The following NTN1 variants were observed in gnomAD, a reference collection of about 807,000 sequenced individuals.
The protein encoded by NTN1 is netrin 1.
A neutral mutation model predicts 54.2 loss-of-function variants in NTN1; 11 were observed. The observed-to-expected ratio is 0.20, with a 90% CI of 0.13 to 0.34. NTN1 has a LOEUF of 0.34. NTN1 is among the 10% of genes least tolerant of loss of function. The pLI, the probability that NTN1 is intolerant of heterozygous loss-of-function variation, is 1.00. For missense variants in NTN1, 740 were observed against 893.1 expected, an observed-to-expected ratio of 0.83 and a Z score of 2.18; for synonymous variants, 371 against 382.0, an observed-to-expected ratio of 0.97 and a Z score of 0.33.
the NTN1 span, among the ~76,000 whole-genome samples, chr17:9,012,898 T>C: frequency 5.3e-5 from 8 of 152,242 alleles, no homozygotes. Context: ...GAATGTAGTT[T>C]GCTTTTTATT....
intron 2 of NTN1, among the ~76,000 whole-genome samples, chr17:9,108,249 C>G (rs2092174826): frequency 6.6e-6 from 1 of 152,160 alleles, no homozygotes; most frequent in Admixed American, 6.5e-5. Context: ...GACAGATCAC[C>G]AAGGCTGCTA....
chr17:9,013,928 T>C, the NTN1 span, among the ~76,000 whole-genome samples: 1 of 152,250 alleles, frequency 6.6e-6, no homozygotes, highest in Non-Finnish European at 1.5e-5. Flanking sequence ...CAAAAGCTTT[T>C]TGCAAATGAA....
intron 5 of NTN1, among the ~76,000 whole-genome samples, chr17:9,193,940 A>AAAAACAG (rs1310191883): frequency 7.0e-6 from 1 of 141,852 alleles, no homozygotes; most frequent in Non-Finnish European, 1.5e-5. Context: ...AAAAAAAAAA[A>AAAAACAG]AAAACATTAT....
chr17:9,238,004 C>T (rs1230945800), intron 6 of NTN1, among the ~76,000 whole-genome samples: 1 of 152,188 alleles, frequency 6.6e-6, no homozygotes, highest in African/African-American at 2.4e-5. Flanking sequence ...AATCCGCTTC[C>T]CTCACCCTGG....
chr17:9,231,293 C>T (rs1450240630), intron 6 of NTN1, among the ~76,000 whole-genome samples: 1 of 106,246 alleles, frequency 9.4e-6, no homozygotes, highest in East Asian at 2.2e-4. Flanking sequence ...CCATGGGGTA[C>T]CCGGGGGGGG....
intron 2 of NTN1, among the ~76,000 whole-genome samples, chr17:9,153,299 A>G (rs2092332892): frequency 1.3e-5 from 2 of 151,940 alleles, no homozygotes; most frequent in Non-Finnish European, 2.9e-5. Context: ...ATACAAAAAC[A>G]TTAGCAGGGC....
At chr17:9,149,920 A>AG (rs1291817505) in intron 2 of NTN1, among the ~76,000 whole-genome samples, 5 of 150,620 alleles carry the variant, frequency 3.3e-5, no homozygotes, top group Admixed American at 3.3e-4. Flanking sequence ...TGCAAAAATT[A>AG]GCCAGGCATG....
intron 2 of NTN1, among the ~76,000 whole-genome samples, chr17:9,153,736 G>A (rs1381241893): frequency 2.0e-5 from 3 of 152,172 alleles, no homozygotes; most frequent in African/African-American, 4.8e-5. Context: ...AGCAACGAAC[G>A]GGCAGTCAGG....
At chr17:9,094,611 G>C (rs1369731559) in intron 2 of NTN1, among the ~76,000 whole-genome samples, 1 of 152,102 alleles carries the variant, frequency 6.6e-6, no homozygotes, top group African/African-American at 2.4e-5. Flanking sequence ...TCCATCAGCA[G>C]CATCAAAGAG....
At chr17:9,038,666 C>G (rs2091911478) in intron 2 of NTN1, among the ~76,000 whole-genome samples, 1 of 152,038 alleles carries the variant, frequency 6.6e-6, no homozygotes, top group Non-Finnish European at 1.5e-5. Flanking sequence ...CCTGCTGTTC[C>G]CTCCCTCCTC....
the NTN1 span, among the ~76,000 whole-genome samples, chr17:9,007,191 C>T: frequency 7.1e-6 from 1 of 141,520 alleles, no homozygotes; most frequent in African/African-American, 2.7e-5. Flanking sequence ...TCTTCCCTTT[C>T]TTTCTTCCTT....
At chr17:9,078,970 A>C (rs1208961456) in intron 2 of NTN1, among the ~76,000 whole-genome samples, 1 of 152,258 alleles carries the variant, frequency 6.6e-6, no homozygotes, top group Non-Finnish European at 1.5e-5. Context: ...ACATCTGGAA[A>C]GAAATAGAAC....
intron 2 of NTN1, among the ~76,000 whole-genome samples, chr17:9,091,280 G>A (rs2092109530): frequency 6.6e-6 from 1 of 151,946 alleles, no homozygotes. Flanking sequence ...TAGAGACAGG[G>A]TCTCGCCCTC....
intron 5 of NTN1, among the ~76,000 whole-genome samples, chr17:9,206,802 A>G (rs1904979682): frequency 6.6e-6 from 1 of 152,248 alleles, no homozygotes. Context: ...ACAAAACACC[A>G]AAGCCCTTCA....
chr17:9,209,891 C>T (rs937815007), intron 5 of NTN1, among the ~76,000 whole-genome samples: 2 of 152,006 alleles, frequency 1.3e-5, no homozygotes, highest in African/African-American at 2.4e-5. Flanking sequence ...GTGGAGAGCA[C>T]GTTCTGGTAA....
rs919892546 is a variant in NTN1, at chr17:9,221,554, C to CTCT, written c.1486+313_1486+315dup. Among the ~76,000 whole-genome samples the CTCT allele has an allele frequency of 9.9e-5, 15 of 152,204 alleles. No homozygotes were observed. The highest frequency in any genetic ancestry group is 2.4e-4 in the African/African-American group (10 of 41,444). ...TGTGGCCACAGACCAGTGGCTTTACCTCTGTGGTCTTCTGTGTCTGCATCA... is the reference window on the plus strand; with the variant it reads ...TGTGGCCACAGACCAGTGGCTTTACCTCTTCTGTGGTCTTCTGTGTCTGCATCA... On this transcript the variant is annotated intron_variant, in intron 6 of 6. Transcript: ENST00000173229. The surrounding 1 kb of genome is among the most constrained non-coding windows in gnomAD (Gnocchi z 4.5).
chr17:9,118,378 C>T (rs1014421689), intron 2 of NTN1, among the ~76,000 whole-genome samples: 8 of 152,014 alleles, frequency 5.3e-5, no homozygotes, highest in African/African-American at 1.7e-4. Flanking sequence ...ATTAACCGGG[C>T]GTGGTGGTGC....
intron 3 of NTN1, among the ~76,000 whole-genome samples, chr17:9,167,914 G>C (rs967284654): frequency 6.6e-6 from 1 of 152,156 alleles, no homozygotes; most frequent in African/African-American, 2.4e-5. Flanking sequence ...CTGCACATTG[G>C]AACCACTTGG....
intron 2 of NTN1, among the ~76,000 whole-genome samples, chr17:9,158,273 C>T (rs1176047164): frequency 6.6e-6 from 1 of 152,148 alleles, no homozygotes; most frequent in African/African-American, 2.4e-5. Context: ...AAGAGAGCTA[C>T]CAGCCCCCAG....
Sources: allele counts gnomAD v4.1 joint callset (sites outside exome capture counted in the v4.1 genomes callset), GRCh38; gene constraint gnomAD v4.1.1; non-coding constraint Gnocchi (gnomAD v3.1); transcripts MANE v1.5; gene names NCBI Gene and HGNC (gene_info 2026-07-23, HGNC 2026-07-21).